DPP3: variants seen among roughly 807,000 people sequenced by gnomAD.
The protein encoded by DPP3 is dipeptidyl peptidase 3.
Under a neutral mutation model 89.8 loss-of-function variants are expected in DPP3, and 64 were observed. The ratio of observed to expected loss-of-function variants is 0.71; its 90% CI spans 0.58 to 0.88. DPP3 has a LOEUF of 0.88. Among genes scored for constraint, DPP3 ranks in the 40% least tolerant of loss-of-function variants. The pLI, the probability that DPP3 is intolerant of heterozygous loss-of-function variation, is 0.00. For synonymous variants in DPP3, 377 were observed against 404.3 expected, an observed-to-expected ratio of 0.93 and a Z score of 0.81; for missense variants, 835 against 972.5, an observed-to-expected ratio of 0.86 and a Z score of 1.88.
intron 1 of DPP3, 109 bp downstream of exon 1, chr11:66,480,574 C>A: frequency 1.6e-6 from 2 of 1,281,258 alleles, no homozygotes; most frequent in East Asian, 6.3e-5. Flanking sequence ...TCTCCAGTAC[C>A]CCCTCCAAAT....
intron 16 of DPP3, among the ~76,000 whole-genome samples, chr11:66,499,088 C>T (rs891083891): frequency 3.3e-5 from 5 of 152,264 alleles, no homozygotes; most frequent in African/African-American, 7.2e-5. Context: ...AGGTGCTGGG[C>T]GCGGTGGCTC....
At chr11:66,498,910 G>A (rs1018106195) in intron 16 of DPP3, among the ~76,000 whole-genome samples, 1 of 152,176 alleles carries the variant, frequency 6.6e-6, no homozygotes, top group African/African-American at 2.4e-5. Flanking sequence ...CCACACAGGA[G>A]GCTGAGATGG....
intron 17 of DPP3, among the ~76,000 whole-genome samples, chr11:66,506,721 T>G (rs945517515): frequency 2.0e-5 from 3 of 152,146 alleles, no homozygotes; most frequent in Non-Finnish European, 4.4e-5. Flanking sequence ...CTGGGTCCAC[T>G]CCTACAGCCT....
rs538677868 is a variant in DPP3, at chr11:66,505,251, T to G, written c.2041+477T>G. Among the ~76,000 whole-genome samples the G allele has an allele frequency of 9.9e-5, 15 of 152,278 alleles. No individual in the cohort carries two copies. In the South Asian group the frequency reaches 3.1e-3, roughly 32 times the overall value. ...TTCTCAAGCGACAATTCCAGAGCCTTGGCCACACGGTGCTTGTATCTTTCG... is the reference window on the plus strand; with the variant it reads ...TTCTCAAGCGACAATTCCAGAGCCTGGGCCACACGGTGCTTGTATCTTTCG... On this transcript the variant is annotated intron_variant, in intron 17 of 17. Transcript: ENST00000531863.
At position 66,491,501 on chromosome 11, in the gene DPP3, C is replaced by T. The variant is rs1000017758; in HGVS notation, c.806C>T (p.Ala269Val). 1 of 1,608,164 alleles carries T rather than the reference C, an allele frequency of 6.2e-7. No homozygotes were observed. Among genetic ancestry groups the T allele is most frequent in the Non-Finnish European group, 8.5e-7 (1 of 1,176,310 alleles). Reference protein sequence around the residue: ...VEQLEKAKAYAANSHQGQMLA... With the variant: ...VEQLEKAKAYVANSHQGQMLA... The stretch of plus-strand genomic sequence containing the variant: ...GACCCCCGCTCACCTCAGGCCTATG[C>T]AGCCAACAGCCACCAGGGGCAGATG... Residue 269 changes from alanine (A) to valine (V), a missense_variant, in exon 8 of 18, where the codon GCA becomes GTA. Ala to Val is a moderately conservative substitution (Grantham distance 64). Transcript: ENST00000531863.
rs1156313493 is a variant in DPP3, at chr11:66,493,453, G to A, written c.1297-88G>A. On this transcript the variant is annotated intron_variant, in intron 11 of 17. Coordinates refer to ENST00000531863, the MANE Select transcript of DPP3 (RefSeq NM_130443.4). ...CTTTACCAAGCACATGCACTGAGAT[G>A]GGTCCATGGCCCAGGGGAGGGGAGG... 3 of 1,355,838 alleles carry A rather than the reference G, an allele frequency of 2.2e-6. No individual in the cohort carries two copies. In the East Asian group the frequency reaches 7.1e-5, roughly 32 times the overall value. 84.0% of individuals were successfully genotyped at this position (1,355,838 alleles called of 1,614,324 possible). A position where few individuals can be genotyped will look rare whatever the true frequency, so the allele number is the denominator to read the frequency against.
intron 11 of DPP3, 108 bp from the exon 12 acceptor site, chr11:66,493,433 C>G: frequency 8.3e-7 from 1 of 1,199,064 alleles, no homozygotes. Flanking sequence ...TTGGCCTTTA[C>G]CAAGCACATG....
At chr11:66,487,578 CT>C (rs1226253771) in intron 5 of DPP3, among the ~76,000 whole-genome samples, 2 of 152,190 alleles carry the variant, frequency 1.3e-5, no homozygotes, top group Non-Finnish European at 2.9e-5. Context: ...GTCAGTGGTG[CT>C]CCCAGCTCAG....
At position 66,509,452 on chromosome 11, in the gene DPP3, T is replaced by C. The variant is rs1027451994; in HGVS notation, c.*201T>C. 2.0e-6 allele frequency: 3 copies of C among 1,507,298 alleles called. No homozygotes were observed. The highest frequency in any genetic ancestry group is 3.9e-5 in the Admixed American group (2 of 50,918). 93.4% of individuals were successfully genotyped at this position (1,507,298 alleles called of 1,614,324 possible). A position where few individuals can be genotyped will look rare whatever the true frequency, so the allele number is the denominator to read the frequency against. Reference sequence around the variant, plus strand: ...AATTGCTTCCCCTCTGTGATCTCATTTCATCTGCACTGCCATACGTGGAGT... The same window carrying C: ...AATTGCTTCCCCTCTGTGATCTCATCTCATCTGCACTGCCATACGTGGAGT... On this transcript the variant is annotated 3_prime_UTR_variant, in exon 18 of 18. Coordinates refer to ENST00000531863, the MANE Select transcript of DPP3 (RefSeq NM_130443.4).
chr11:66,499,521 G>A (rs936582481), intron 16 of DPP3, among the ~76,000 whole-genome samples: 2 of 152,090 alleles, frequency 1.3e-5, no homozygotes, highest in African/African-American at 4.8e-5. Context: ...TGTAATCCCA[G>A]CACTTTGGGA....
chr11:66,494,113 G>A (rs117649561), intron 12 of DPP3, among the ~76,000 whole-genome samples: 3,036 of 152,224 alleles, frequency 0.02, 70 homozygotes, highest in Non-Finnish European at 0.026. Flanking sequence ...GGGCTTTTCC[G>A]GGTATCGTAG....
intron 17 of DPP3, among the ~76,000 whole-genome samples, chr11:66,507,940 G>T (rs1171727343): frequency 6.6e-6 from 1 of 152,170 alleles, no homozygotes; most frequent in Non-Finnish European, 1.5e-5. Flanking sequence ...GCCTCCCAAA[G>T]TGCTGGCATT....
rs1169248661 is a variant in DPP3 at position 66,502,312 on chromosome 11, C to CT, written c.1879-2286dup. ...AGGTGGGGGTTGTATGAGTGTCCGT[C>CT]TTTTTTTTTTTTTTGATGGGAGTCT... On this transcript the variant is annotated intron_variant, in intron 16 of 17. Transcript: ENST00000531863. Among the ~76,000 whole-genome samples, 922 of 143,712 alleles carry CT rather than the reference C, an allele frequency of 6.4e-3. 3 individuals are homozygous for CT. Among genetic ancestry groups the CT allele is most frequent in the Non-Finnish European group, 6.2e-3 (406 of 65,286 alleles). The allele number at this position is 143,712 out of a possible 152,430, so 94.3% of individuals were successfully genotyped here. A position where few individuals can be genotyped will look rare whatever the true frequency, so the allele number is the denominator to read the frequency against.
rs1218511204 is a variant in DPP3 at position 66,492,900 on chromosome 11, C to T, written c.1173C>T (p.Asn391=). ...GCTCCGGCATCCCTGCCGGCATCAA[C>T]ATCCCCAACTGTGAGTGTCTCAGGC... ...FAGSGIPAGI[N]IPNYDDLRQT... is the part of the protein sequence containing the mutation. Residue 391 remains asparagine (N), a synonymous_variant, in exon 10 of 18, where the codon AAC becomes AAT. Coordinates refer to ENST00000531863, the MANE Select transcript of DPP3 (RefSeq NM_130443.4). The T allele has an allele frequency of 1.9e-6, 3 of 1,610,910 alleles. No homozygotes were observed. Among genetic ancestry groups the T allele is most frequent in the East Asian group, 2.2e-5 (1 of 44,876 alleles).
At chr11:66,496,888 A>C (rs1216595973) in intron 15 of DPP3, among the ~76,000 whole-genome samples, 1 of 152,054 alleles carries the variant, frequency 6.6e-6, no homozygotes, top group Non-Finnish European at 1.5e-5. Context: ...TAAACTGGGG[A>C]TAATGATGCC....
intron 15 of DPP3, 58 bp downstream of exon 15, chr11:66,495,808 T>A: frequency 6.4e-7 from 1 of 1,555,454 alleles, no homozygotes; most frequent in Non-Finnish European, 8.7e-7. Context: ...GGTGCCAAGA[T>A]CAGGGTGCAA....
At chr11:66,495,134 C>A in intron 12 of DPP3, 72 bp from the exon 13 acceptor site, 2 of 1,610,136 alleles carry the variant, frequency 1.2e-6, no homozygotes, top group South Asian at 2.2e-5. Context: ...ACTTTCCGGC[C>A]TGTGGATTCT....
chr11:66,501,043 C>G (rs535292358), intron 16 of DPP3, among the ~76,000 whole-genome samples: 2 of 152,144 alleles, frequency 1.3e-5, no homozygotes, highest in East Asian at 3.9e-4. Flanking sequence ...AAAAAATTAG[C>G]CGGGTATGGT....
intron 16 of DPP3, 130 bp downstream of exon 16, chr11:66,497,607 G>C (rs1489328529): frequency 7.7e-7 from 1 of 1,300,566 alleles, no homozygotes; most frequent in Non-Finnish European, 1.0e-6. Flanking sequence ...CAGTAAACAT[G>C]TAAGCGCACC....
Sources: gnomAD v4.1 joint callset for allele counts (sites outside exome capture counted in the v4.1 genomes callset) on GRCh38, gnomAD v4.1.1 for gene constraint, MANE v1.5 for transcripts, NCBI Gene and HGNC (gene_info 2026-07-23, HGNC 2026-07-21) for gene names.